ROBO2: variants seen among roughly 807,000 people sequenced by gnomAD.
ROBO2 encodes roundabout homolog 2.
In ROBO2, 53 loss-of-function variants were observed where a neutral mutation model predicts 160.8. The observed-to-expected ratio is 0.33, with a 90% CI of 0.26 to 0.41. ROBO2 has a LOEUF of 0.41. Among genes scored for constraint, ROBO2 ranks in the 10% least tolerant of loss-of-function variants. The pLI is 1.00. For missense variants in ROBO2, 1,577 were observed against 1,722.4 expected (o/e 0.92, Z 1.49); for synonymous variants, 664 against 611.7 (o/e 1.09, Z -1.26).
chr3:76,279,202 T>G (rs1708099953), intron 2 of ROBO2, among the ~76,000 whole-genome samples: 2 of 151,516 alleles, frequency 1.3e-5, no homozygotes, highest in Non-Finnish European at 2.9e-5. Flanking sequence ...CAAGCTCACT[T>G]TTTTTGGGGA....
rs1236320830 is a variant in ROBO2, at chr3:77,364,239, A to G, written c.389-113175A>G. 2.0e-5 allele frequency among the ~76,000 whole-genome samples: 3 copies of G among 151,798 alleles called. No individual in the cohort carries two copies. The South Asian group carries it at 6.2e-4, about 32-fold the overall frequency. On this transcript the variant is annotated intron_variant, in intron 2 of 25. Transcript: ENST00000461745. ...CTGGTGATTATCAGCTCTGCTCCCT[A>G]TCACCACTTGTTGAACTATATTCTC...
intron 2 of ROBO2, among the ~76,000 whole-genome samples, chr3:76,095,547 A>G (rs537193379): frequency 9.2e-5 from 14 of 152,236 alleles, no homozygotes; most frequent in African/African-American, 3.4e-4. Flanking sequence ...ATGAAATGTC[A>G]AAGCTCCATG....
At chr3:75,972,682 C>T (rs1042353583) in intron 2 of ROBO2, among the ~76,000 whole-genome samples, 2 of 151,650 alleles carry the variant, frequency 1.3e-5, no homozygotes, top group African/African-American at 2.4e-5. Flanking sequence ...CCAGCAACAT[C>T]AGTATTACAT....
chr3:77,321,936 T>G (rs1287453404), intron 2 of ROBO2, among the ~76,000 whole-genome samples: 1 of 152,178 alleles, frequency 6.6e-6, no homozygotes, highest in African/African-American at 2.4e-5. Context: ...TTGGGCACAG[T>G]GCACGGGTAT....
intron 2 of ROBO2, among the ~76,000 whole-genome samples, chr3:76,642,532 A>G (rs1002911612): frequency 3.3e-5 from 5 of 151,466 alleles, no homozygotes; most frequent in Admixed American, 3.3e-4. Flanking sequence ...TTGTATTTTT[A>G]GTAGACACGG....
chr3:75,945,156 C>T (rs1266488487), intron 2 of ROBO2, among the ~76,000 whole-genome samples: 1 of 152,066 alleles, frequency 6.6e-6, no homozygotes, highest in Non-Finnish European at 1.5e-5. Flanking sequence ...AAAACTCTGC[C>T]ATCATGAAGC....
intron 2 of ROBO2, among the ~76,000 whole-genome samples, chr3:77,183,037 T>C (rs531181073): frequency 2.7e-4 from 41 of 152,136 alleles, no homozygotes; most frequent in African/African-American, 9.6e-4. Flanking sequence ...GTCATTATAA[T>C]CTACCCGGTC....
intron 2 of ROBO2, among the ~76,000 whole-genome samples, chr3:76,623,755 A>G (rs2089408096): frequency 6.6e-6 from 1 of 152,158 alleles, no homozygotes. Context: ...TTTAAAGTGC[A>G]TTTTTAGTTT....
intron 2 of ROBO2, among the ~76,000 whole-genome samples, chr3:76,296,010 A>C (rs1356462030): frequency 6.6e-6 from 1 of 152,218 alleles, no homozygotes; most frequent in Non-Finnish European, 1.5e-5. Flanking sequence ...CCTCTCCACA[A>C]AAAATCCATT....
chr3:76,371,901 A>C (rs144718562), intron 2 of ROBO2, among the ~76,000 whole-genome samples: 51 of 152,022 alleles, frequency 3.4e-4, no homozygotes, highest in African/African-American at 1.0e-3. Context: ...TAAAGCAATA[A>C]AAATATAAAC....
chr3:75,988,961 A>G (rs1318739311), intron 2 of ROBO2, among the ~76,000 whole-genome samples: 1 of 151,956 alleles, frequency 6.6e-6, no homozygotes, highest in African/African-American at 2.4e-5. Context: ...CTTATATTGA[A>G]TTTTTTATAA....
chr3:77,589,067 A>C, intron 17 of ROBO2, 134 bp downstream of exon 18: 2 of 957,452 alleles, frequency 2.1e-6, no homozygotes, highest in East Asian at 5.1e-5. Context: ...ATGCAATTAC[A>C]CTCAACATGC....
chr3:77,382,555 T>A (rs371911844), intron 2 of ROBO2, among the ~76,000 whole-genome samples: 5 of 152,214 alleles, frequency 3.3e-5, no homozygotes, highest in East Asian at 3.9e-4. Context: ...TTTTTCTCCT[T>A]CACCCCCTTC....
At chr3:76,084,123 G>C (rs1320285368) in intron 2 of ROBO2, among the ~76,000 whole-genome samples, 1 of 152,134 alleles carries the variant, frequency 6.6e-6, no homozygotes, top group Admixed American at 6.5e-5. Context: ...GAGGGAATAT[G>C]AGAAACAGCT....
At chr3:77,488,707 T>C (rs2085690563) in intron 4 of ROBO2, among the ~76,000 whole-genome samples, 1 of 152,176 alleles carries the variant, frequency 6.6e-6, no homozygotes, top group Admixed American at 6.5e-5. Flanking sequence ...CTCAAGTTAC[T>C]TCCTTATAAT....
At chr3:77,606,214 T>TG (rs2094523293) in intron 20 of ROBO2, among the ~76,000 whole-genome samples, 1 of 104,544 alleles carries the variant, frequency 9.6e-6, no homozygotes, top group African/African-American at 3.1e-5. Flanking sequence ...ATAGAGGATA[T>TG]GGGGGAAAAA....
At chr3:76,117,522 T>C (rs755564106) in intron 2 of ROBO2, among the ~76,000 whole-genome samples, 6 of 152,192 alleles carry the variant, frequency 3.9e-5, no homozygotes, top group Non-Finnish European at 8.8e-5. Flanking sequence ...CAGTAATGAT[T>C]AATATACTTA....
intron 23 of ROBO2, among the ~76,000 whole-genome samples, chr3:77,623,968 G>A (rs1288628523): frequency 3.3e-5 from 5 of 152,148 alleles, no homozygotes; most frequent in African/African-American, 1.2e-4. Flanking sequence ...CCTGTGACAT[G>A]TTAGGCTGCC....
At chr3:76,880,761 G>A (rs2073255533) in intron 2 of ROBO2, among the ~76,000 whole-genome samples, 1 of 152,128 alleles carries the variant, frequency 6.6e-6, no homozygotes, top group African/African-American at 2.4e-5. Flanking sequence ...GATAACGCTA[G>A]ATGAAAACAT....
Sources: allele counts gnomAD v4.1 joint callset (sites outside exome capture counted in the v4.1 genomes callset), GRCh38; gene constraint gnomAD v4.1.1; transcripts MANE v1.5; gene names NCBI Gene and HGNC (gene_info 2026-07-23, HGNC 2026-07-21).